RSPRY1: variants seen among roughly 807,000 people sequenced by gnomAD.
RSPRY1 encodes ring finger and SPRY domain containing 1.
RSPRY1 carries 23 observed loss-of-function variants against 73.1 expected under a neutral mutation model. That is an observed-to-expected ratio of 0.31 (90% CI 0.23 to 0.45). RSPRY1 has a LOEUF of 0.45. Ranked by LOEUF, RSPRY1 falls within the 20% of genes least tolerant of loss-of-function variation. The pLI, the probability that RSPRY1 is intolerant of heterozygous loss-of-function variation, is 1.00. For missense variants in RSPRY1, 448 were observed against 698.7 expected, an observed-to-expected ratio of 0.64 and a Z score of 4.05; for synonymous variants, 226 against 251.4, an observed-to-expected ratio of 0.90 and a Z score of 0.95.
At chr16:57,200,546 G>GCCTCCCTC (rs2074554250) in intron 1 of RSPRY1, among the ~76,000 whole-genome samples, 1 of 129,672 alleles carries the variant, frequency 7.7e-6, no homozygotes, top group East Asian at 2.5e-4. Flanking sequence ...TGACCTCCCT[G>GCCTCCCTC]CCTCCCTCCC....
At chr16:57,214,908 A>C (rs2074911579) in intron 6 of RSPRY1, among the ~76,000 whole-genome samples, 1 of 152,220 alleles carries the variant, frequency 6.6e-6, no homozygotes, top group Non-Finnish European at 1.5e-5. Context: ...ATGTGTGTGT[A>C]GTCCCAGCTA....
chr16:57,209,254 G>T, intron 4 of RSPRY1, 67 bp downstream of exon 4: 1 of 1,025,904 alleles, frequency 9.7e-7, no homozygotes. Flanking sequence ...TGACCACAAA[G>T]AACATTTGAT....
intron 11 of RSPRY1, among the ~76,000 whole-genome samples, chr16:57,229,903 C>T (rs1037630362): frequency 1.5e-4 from 22 of 150,546 alleles, no homozygotes; most frequent in Non-Finnish European, 3.0e-4. Flanking sequence ...GATGGGGTTT[C>T]ACCATGTTGG....
intron 11 of RSPRY1, among the ~76,000 whole-genome samples, chr16:57,229,590 G>A (rs1270413945): frequency 1.3e-5 from 2 of 149,872 alleles, no homozygotes; most frequent in Non-Finnish European, 3.0e-5. Flanking sequence ...CTGCACTCCA[G>A]CCTGGGTAAT....
intron 1 of RSPRY1, among the ~76,000 whole-genome samples, chr16:57,198,424 A>T (rs2074493455): frequency 1.3e-5 from 2 of 152,162 alleles, no homozygotes. Flanking sequence ...TGCATAGATT[A>T]TTCTGTATTC....
intron 6 of RSPRY1, among the ~76,000 whole-genome samples, chr16:57,215,153 T>C (rs2074916725): frequency 6.6e-6 from 1 of 152,138 alleles, no homozygotes; most frequent in African/African-American, 2.4e-5. Context: ...GAGGATTTTA[T>C]TGTGCCCAGA....
intron 8 of RSPRY1, among the ~76,000 whole-genome samples, chr16:57,219,377 A>G (rs2074998147): frequency 6.6e-6 from 1 of 152,076 alleles, no homozygotes; most frequent in Non-Finnish European, 1.5e-5. Flanking sequence ...ATGATAGCTC[A>G]TTGTAGTTTT....
rs1836672801 is a variant in RSPRY1 at position 57,240,419 on chromosome 16, G to C, written c.*1444G>C. On this transcript the variant is annotated 3_prime_UTR_variant, in exon 15 of 15. Coordinates refer to ENST00000394420, the MANE Select transcript of RSPRY1 (RefSeq NM_133368.3). ...TACATGTTCTCTTCTTTAGCTTGTG[G>C]TGAATACAGTAATTTGCATTGAAGA... The C allele has an allele frequency of 6.6e-6, 1 of 151,700 alleles. No individual in the cohort carries two copies. The highest frequency in any genetic ancestry group is 2.4e-5 in the African/African-American group (1 of 41,268). 9.4% of individuals were successfully genotyped at this position (151,700 alleles called of 1,614,324 possible).
chr16:57,201,020 C>A (rs1190016841), intron 1 of RSPRY1, among the ~76,000 whole-genome samples: 1 of 150,182 alleles, frequency 6.7e-6, no homozygotes, highest in Non-Finnish European at 1.5e-5. Context: ...CTGACCCCCC[C>A]ACCTCCCTCC....
intron 1 of RSPRY1, among the ~76,000 whole-genome samples, chr16:57,202,505 A>G (rs1452835834): frequency 2.6e-5 from 4 of 152,130 alleles, no homozygotes; most frequent in African/African-American, 9.7e-5. Context: ...TTAGTTATCT[A>G]CCCTCTAAAG....
intron 13 of RSPRY1, among the ~76,000 whole-genome samples, chr16:57,232,530 C>A (rs2075239924): frequency 6.6e-6 from 1 of 152,162 alleles, no homozygotes; most frequent in Admixed American, 6.5e-5. Context: ...TCTCCCTTAT[C>A]TATCATACCC....
chr16:57,193,895 A>G (rs983947898), intron 1 of RSPRY1, among the ~76,000 whole-genome samples: 2 of 152,098 alleles, frequency 1.3e-5, no homozygotes, highest in Non-Finnish European at 2.9e-5. Flanking sequence ...GTGAAACCCC[A>G]TCTCTACTGA....
At chr16:57,209,635 G>A (rs1355238934) in intron 4 of RSPRY1, among the ~76,000 whole-genome samples, 2 of 151,960 alleles carry the variant, frequency 1.3e-5, no homozygotes, top group Non-Finnish European at 2.9e-5. Flanking sequence ...CCAAAGTGCT[G>A]GGACTACAGG....
intron 1 of RSPRY1, among the ~76,000 whole-genome samples, chr16:57,198,193 G>A (rs967857411): frequency 2.4e-4 from 36 of 152,058 alleles, no homozygotes; most frequent in African/African-American, 8.7e-4. Context: ...AGACTATCCT[G>A]ACTAACACAG....
Position 57,231,408 on chromosome 16 carries a change from CAAAT to C in RSPRY1, c.1529+94_1529+97del, listed in dbSNP as rs778914042. The C allele has an allele frequency of 1.8e-4, 240 of 1,323,262 alleles. 1 individual carries two copies. Among genetic ancestry groups the C allele is most frequent in the Admixed American group, 6.5e-4 (28 of 43,146 alleles). The allele number at this position is 1,323,262 out of a possible 1,614,324, so 82.0% of individuals were successfully genotyped here. A position where few individuals can be genotyped will look rare whatever the true frequency, so the allele number is the denominator to read the frequency against. ...TATAATCAACGTTAAAAGAATATAA[CAAAT>C]AAATTTTGAAAACCTGAGTAAAATG... On this transcript the variant is annotated intron_variant, in intron 13 of 14. Coordinates refer to ENST00000394420, the MANE Select transcript of RSPRY1 (RefSeq NM_133368.3).
chr16:57,197,389 G>A (rs1209750086), intron 1 of RSPRY1, among the ~76,000 whole-genome samples: 1 of 152,118 alleles, frequency 6.6e-6, no homozygotes, highest in African/African-American at 2.4e-5. Context: ...AGAGGTAACA[G>A]CTCTTGATTT....
chr16:57,240,312 T>C lies in RSPRY1; in HGVS notation c.*1337T>C, dbSNP rs2075358387. 1 of 151,776 alleles carries C rather than the reference T, an allele frequency of 6.6e-6. No homozygotes were observed. The highest frequency in any genetic ancestry group is 2.4e-5 in the African/African-American group (1 of 41,346). 9.4% of individuals were successfully genotyped at this position (151,776 alleles called of 1,614,324 possible). ...TGTACATGTTGGGGTGCTGGATTTTTTTCCGTGTCTTTAGTCTTCCATAAA... is the reference window on the plus strand; with the variant it reads ...TGTACATGTTGGGGTGCTGGATTTTCTTCCGTGTCTTTAGTCTTCCATAAA... On this transcript the variant is annotated 3_prime_UTR_variant, in exon 15 of 15. Transcript: ENST00000394420.
intron 1 of RSPRY1, among the ~76,000 whole-genome samples, chr16:57,192,243 G>T (rs1019240275): frequency 3.9e-5 from 6 of 152,230 alleles, no homozygotes; most frequent in Admixed American, 6.5e-5. Flanking sequence ...CTTTTCTTAA[G>T]AGCAGAGAGT....
chr16:57,231,021 T>A, intron 12 of RSPRY1, 146 bp from the exon 13 acceptor site: 2 of 786,314 alleles, frequency 2.5e-6, no homozygotes, highest in Non-Finnish European at 4.0e-6. Context: ...GTCACAGACC[T>A]GTGTGGGTTA....
Sources: allele counts gnomAD v4.1 joint callset (sites outside exome capture counted in the v4.1 genomes callset), GRCh38; gene constraint gnomAD v4.1.1; transcripts MANE v1.5; gene names NCBI Gene and HGNC (gene_info 2026-07-23, HGNC 2026-07-21).